The following PLD2 variants were observed in gnomAD, a reference collection of about 807,000 sequenced individuals.
PLD2 encodes choline phosphatase 2.
A neutral mutation model predicts 119.8 loss-of-function variants in PLD2; 101 were observed. The ratio of observed to expected loss-of-function variants is 0.84; its 90% confidence interval spans 0.72 to 0.99. The LOEUF (loss-of-function observed/expected upper bound fraction) is 0.99. PLD2 is among the 50% of genes least tolerant of loss of function. The probability of loss-of-function intolerance (pLI) is 0.00; values close to 1 mark genes in which losing one functional copy is unlikely to be tolerated. For synonymous variants in PLD2, 494 were observed against 482.8 expected (o/e 1.02, Z -0.30); for missense variants, 1,164 against 1,226.8 (o/e 0.95, Z 0.76).
At chr17:4,818,734 C>G in intron 20 of PLD2, 40 bp from the exon 21 acceptor site, 1 of 1,612,974 alleles carries the variant, frequency 6.2e-7, no homozygotes, top group East Asian at 2.2e-5. Context: ...CCCCTCCCCT[C>G]TGCCAGCCTC....
rs1194736818 is a variant in PLD2 at position 4,820,271 on chromosome 17, T to C, written c.2462+689T>C. Among the ~76,000 whole-genome samples, 5 of 147,864 alleles carry C rather than the reference T, an allele frequency of 3.4e-5. No individual in the cohort carries two copies. In the East Asian group the frequency reaches 1.0e-3, roughly 30 times the overall value. ...GAAAAAGAAATCTTTTTTGTTGTTG[T>C]TGTTGTTGTTGTTGAGACACGGTTT... On this transcript the variant is annotated intron_variant, in intron 23 of 24. Transcript: ENST00000263088.
chr17:4,816,603 G>A lies in PLD2; in HGVS notation c.1456-17G>A. On this transcript the variant is annotated splice_polypyrimidine_tract_variant and intron_variant, in intron 14 of 24. Transcript: ENST00000263088. ...TGACTTCCCCTTGCCCCTGGCTTGG[G>A]TGTGTTCCCCCTACAGCCTCCCACC... The A allele has an allele frequency of 6.2e-7, 1 of 1,613,234 alleles. No individual in the cohort carries two copies. Among genetic ancestry groups the A allele is most frequent in the Non-Finnish European group, 8.5e-7 (1 of 1,179,336 alleles).
At position 4,819,727 on chromosome 17, in the gene PLD2, G is replaced by A; in HGVS notation, c.2462+145G>A. 1 of 811,308 alleles carries A rather than the reference G, an allele frequency of 1.2e-6. No individual in the cohort carries two copies. Among genetic ancestry groups the A allele is most frequent in the Non-Finnish European group, 1.9e-6 (1 of 533,702 alleles). 50.3% of individuals were successfully genotyped at this position (811,308 alleles called of 1,614,324 possible). The stretch of plus-strand genomic sequence containing the variant: ...TTCTCAATAGGCAAGGCTGGGCGCG[G>A]CAGCTCACGCCTCTAATCCCAGCAC... On this transcript the variant is annotated intron_variant, in intron 23 of 24. Transcript: ENST00000263088. The surrounding 1 kb of genome is among the most constrained non-coding windows in gnomAD (Gnocchi z 4.2).
In PLD2 at chr17:4,822,981, T is replaced by C; in HGVS notation, c.*117T>C. 2 of 633,972 alleles carry C rather than the reference T, an allele frequency of 3.2e-6. No individual in the cohort carries two copies. Among genetic ancestry groups the C allele is most frequent in the Non-Finnish European group, 5.6e-6 (2 of 358,226 alleles). 39.3% of individuals were successfully genotyped at this position (633,972 alleles called of 1,614,324 possible). A position where few individuals can be genotyped will look rare whatever the true frequency, so the allele number is the denominator to read the frequency against. On this transcript the variant is annotated 3_prime_UTR_variant, in exon 25 of 25. Transcript: ENST00000263088. ...CTTTGAGATCTGGGGAGGCAGGCAT[T>C]CCTGAAGGGAACTAGAGGTGTTACA... is the stretch of plus-strand genomic sequence containing the variant.
chr17:4,818,272 T>C (rs1462487487), intron 18 of PLD2, 25 bp from the exon 19 acceptor site: 5 of 1,597,234 alleles, frequency 3.1e-6, no homozygotes, highest in Non-Finnish European at 3.4e-6. Context: ...AGGCTGCTGA[T>C]GTCTGTCTCT....
chr17:4,820,954 G>A (rs892600026), intron 23 of PLD2, among the ~76,000 whole-genome samples: 1 of 149,364 alleles, frequency 6.7e-6, no homozygotes, highest in African/African-American at 2.5e-5. Flanking sequence ...CCACGCTGGA[G>A]TGCAGTGGCG....
chr17:4,811,297 CTTTT>C (rs35190261), intron 10 of PLD2, among the ~76,000 whole-genome samples: 4 of 77,846 alleles, frequency 5.1e-5, no homozygotes, highest in Admixed American at 1.6e-4. Context: ...ATTTTCTTTT[CTTTT>C]TTTTTTTTTT....
chr17:4,809,803 A>C lies in PLD2; in HGVS notation c.707+20A>C. 1.9e-6 allele frequency: 3 copies of C among 1,614,118 alleles called. No homozygotes were observed. The highest frequency in any genetic ancestry group is 2.5e-6 in the Non-Finnish European group (3 of 1,179,974). ...CAAGAGGTACGGGCTATGGCCAAGC[A>C]GCTGGGCAGTGGGTGGGGGTGAGGA... is the stretch of plus-strand genomic sequence containing the variant. On this transcript the variant is annotated intron_variant, in intron 8 of 24. Transcript: ENST00000263088.
chr17:4,816,041 C>T, intron 14 of PLD2, 107 bp downstream of exon 14: 1 of 809,232 alleles, frequency 1.2e-6, no homozygotes. Context: ...GCCCTGCCAA[C>T]CTCAGGGTTC....
In PLD2 at chr17:4,807,590, A is replaced by AG; in HGVS notation, c.-1-178dup. The AG allele has an allele frequency of 2.0e-6, 1 of 492,560 alleles. No individual in the cohort carries two copies. The highest frequency in any genetic ancestry group is 3.7e-6 in the Non-Finnish European group (1 of 269,190). The allele number at this position is 492,560 out of a possible 1,614,324, so 30.5% of individuals were successfully genotyped here. A position where few individuals can be genotyped will look rare whatever the true frequency, so the allele number is the denominator to read the frequency against. On this transcript the variant is annotated intron_variant, in intron 1 of 24. Coordinates refer to ENST00000263088, the MANE Select transcript of PLD2 (RefSeq NM_002663.5). The surrounding 1 kb of genome is among the most constrained non-coding windows in gnomAD (Gnocchi z 5.4). ...GGGATTGTGGATGAAGGACTAAGGT[A>AG]GGGGATGGGGGCTCGAAGGGGTCGG... is the stretch of plus-strand genomic sequence containing the variant.
intron 12 of PLD2, 131 bp downstream of exon 12, chr17:4,814,842 C>T (rs185555560): frequency 7.6e-6 from 6 of 786,288 alleles, no homozygotes; most frequent in Non-Finnish European, 1.3e-5. Flanking sequence ...CCTGGCCCAG[C>T]ACCTGTCAGA....
intron 10 of PLD2, among the ~76,000 whole-genome samples, chr17:4,812,690 G>A (rs1250380591): frequency 1.3e-5 from 2 of 152,184 alleles, no homozygotes; most frequent in Middle Eastern, 3.2e-3. Context: ...CTATAGTGGG[G>A]CACACGAGGG....
At position 4,814,442 on chromosome 17, in the gene PLD2, T is replaced by C. The variant is rs762992176; in HGVS notation, c.1035T>C (p.Phe345=). 1.3e-5 allele frequency: 21 copies of C among 1,612,416 alleles called. No individual in the cohort carries two copies. Among genetic ancestry groups the C allele is most frequent in the Non-Finnish European group, 1.6e-5 (19 of 1,179,664 alleles). Residue 345 remains phenylalanine (F), a synonymous_variant, in exon 11 of 25, where the codon TTT becomes TTC. Transcript: ENST00000263088. The part of the protein sequence containing the change: ...ARWFVNGAGY[F]AAVADAILRA... ...GGTTTGTGAATGGGGCAGGTTACTT[T>C]GCTGCTGTGGCAGATGCCATCCTTC...
chr17:4,810,980 G>C, intron 10 of PLD2, 29 bp downstream of exon 10: 1 of 1,586,314 alleles, frequency 6.3e-7, no homozygotes, highest in Non-Finnish European at 8.6e-7. Flanking sequence ...TTCTGAGCTT[G>C]TCTGTGGCTT....
At chr17:4,822,492 C>CAAAA in intron 24 of PLD2, 148 bp from the exon 25 acceptor site, 2 of 493,308 alleles carry the variant, frequency 4.1e-6, no homozygotes, top group Non-Finnish European at 7.2e-6. Flanking sequence ...AACTCCGTCT[C>CAAAA]AAAAAAAAAA....
chr17:4,807,296 G>A lies in PLD2; in HGVS notation c.-2+71G>A, dbSNP rs71368520. On this transcript the variant is annotated intron_variant, in intron 1 of 24. Transcript: ENST00000263088. The surrounding 1 kb of genome is among the most constrained non-coding windows in gnomAD (Gnocchi z 5.4). ...ATCGGGCGGGGACGGAACGGGCTCG[G>A]GCTGCGGGGCCTCCAGACTCAGTCG... 0.14 allele frequency: 21,755 copies of A among 152,338 alleles called. 2,437 individuals carry two copies. Among genetic ancestry groups the A allele is most frequent in the East Asian group, 0.47 (2,397 of 5,102 alleles). 9.4% of individuals were successfully genotyped at this position (152,338 alleles called of 1,614,324 possible). A position where few individuals can be genotyped will look rare whatever the true frequency, so the allele number is the denominator to read the frequency against.
At chr17:4,817,313 C>T (rs1003090242) in intron 17 of PLD2, 54 bp downstream of exon 17, 10 of 1,114,742 alleles carry the variant, frequency 9.0e-6, no homozygotes, top group African/African-American at 1.5e-5. Context: ...AGCCTAACAC[C>T]CCAACCCACT....
rs752746653 is a variant in PLD2 at position 4,808,416 on chromosome 17, G to A, written c.383G>A (p.Arg128Gln). 6 of 1,613,304 alleles carry A rather than the reference G, an allele frequency of 3.7e-6. No homozygotes were observed. The African/African-American group carries it at 5.3e-5, about 14-fold the overall frequency. Residue 128 changes from arginine (R) to glutamine (Q), a missense_variant and splice_region_variant, in exon 4 of 25, where the codon CGA (arginine) becomes CAA (glutamine). Arg to Gln is a conservative substitution (Grantham distance 43, BLOSUM62 1). Coordinates refer to ENST00000263088, the MANE Select transcript of PLD2 (RefSeq NM_002663.5). The surrounding 1 kb of genome is among the most constrained non-coding windows in gnomAD (Gnocchi z 4.1). ...TTGATGAGTCTGCTCCCTCTGGCTCGGTGAGGGCGACCGGACTGCTTCCTG... is the reference window on the plus strand; with the variant it reads ...TTGATGAGTCTGCTCCCTCTGGCTCAGTGAGGGCGACCGGACTGCTTCCTG... ...KVLMSLLPLA[R>Q]FAVAYSPARD...
Position 4,823,213 on chromosome 17 carries a change from A to C in PLD2, c.*349A>C. On this transcript the variant is annotated 3_prime_UTR_variant, in exon 25 of 25. Transcript: ENST00000263088. ...GGCTCTGCCCCAGGCCCTACTACCC[A>C]TTGTTCCCTTCCTCTTCCTGCCCTT... is the stretch of plus-strand genomic sequence containing the variant. 4.9e-6 allele frequency: 1 copy of C among 202,290 alleles called. No homozygotes were observed. Among genetic ancestry groups the C allele is most frequent in the Non-Finnish European group, 9.9e-6 (1 of 100,688 alleles). 12.5% of individuals were successfully genotyped at this position (202,290 alleles called of 1,614,324 possible).
Sources: gnomAD v4.1 joint callset for allele counts (sites outside exome capture counted in the v4.1 genomes callset) on GRCh38, gnomAD v4.1.1 for gene constraint, Gnocchi (gnomAD v3.1) non-coding constraint, MANE v1.5 for transcripts, NCBI Gene and HGNC (gene_info 2026-07-23, HGNC 2026-07-21) for gene names.